ZNF138: variants seen among roughly 807,000 people sequenced by gnomAD.
ZNF138 encodes zinc finger protein 138 (clone pHZ-32).
A neutral mutation model predicts 33.0 loss-of-function variants in ZNF138; 33 were observed. The observed-to-expected ratio is 1.00, with a 90% CI of 0.76 to 1.34. The LOEUF (loss-of-function observed/expected upper bound fraction) is 1.34. Ranked by LOEUF, ZNF138 falls within the 40% of genes most tolerant of loss-of-function variation. The pLI is 0.00. For missense variants in ZNF138, 360 were observed against 370.8 expected (o/e 0.97, Z 0.24); for synonymous variants, 139 against 120.4 (o/e 1.15, Z -1.01).
intron 1 of ZNF138, among the ~76,000 whole-genome samples, chr7:64,809,709 T>C (rs1787969661): frequency 7.5e-6 from 1 of 134,016 alleles, no homozygotes; most frequent in Non-Finnish European, 1.6e-5. Context: ...GACGGGGCGG[T>C]TGCCGGGCAG....
chr7:64,838,595 G>C (rs544140708), downstream of ZNF138, among the ~76,000 whole-genome samples: 498 of 152,170 alleles, frequency 3.3e-3, 4 homozygotes, highest in Admixed American at 0.011. Flanking sequence ...GCCTCCTCTC[G>C]GGAATTAAAA....
chr7:64,810,437 G>GGGAGAC (rs1158413116), intron 1 of ZNF138, among the ~76,000 whole-genome samples: 1 of 103,700 alleles, frequency 9.6e-6, no homozygotes, highest in African/African-American at 3.5e-5. Flanking sequence ...GGAGACCGTG[G>GGGAGAC]GGAGAGGGAG....
At chr7:64,849,088 G>A in the ZNF138 span, among the ~76,000 whole-genome samples, 1 of 152,198 alleles carries the variant, frequency 6.6e-6, no homozygotes, top group African/African-American at 2.4e-5. Context: ...CTATGTCCGA[G>A]GGAGTGTCTA....
intron 1 of ZNF138, among the ~76,000 whole-genome samples, chr7:64,813,442 T>G (rs916005797): frequency 1.7e-4 from 26 of 151,916 alleles, no homozygotes; most frequent in South Asian, 4.1e-4. Context: ...AATGATTTTT[T>G]TTTTTTTTTT....
At chr7:64,831,225 A>G (rs1409589750) in intron 3 of ZNF138, 4 of 1,199,322 alleles carry the variant, frequency 3.3e-6, no homozygotes, top group Non-Finnish European at 3.5e-6. Flanking sequence ...GGCTCTTTGC[A>G]TTGTGCAAAC....
the ZNF138 span, among the ~76,000 whole-genome samples, chr7:64,844,239 G>C: frequency 6.6e-6 from 1 of 152,322 alleles, no homozygotes; most frequent in East Asian, 1.9e-4. Context: ...CCAACCTGTT[G>C]TTATTATTTT....
chr7:64,800,902 T>A (rs552883189), intron 1 of ZNF138, among the ~76,000 whole-genome samples: 1 of 152,298 alleles, frequency 6.6e-6, no homozygotes, highest in African/African-American at 2.4e-5. Context: ...TCTTTTTTGT[T>A]CAGTCCTGGG....
chr7:64,794,603 G>A (rs757723908), intron 1 of ZNF138, 32 bp downstream of exon 1: 14 of 1,613,136 alleles, frequency 8.7e-6, no homozygotes, highest in Admixed American at 3.3e-5. Flanking sequence ...TCCCGAGAGA[G>A]GGGGAGGGAG....
At position 64,831,868 on chromosome 7, in the gene ZNF138, A is replaced by G. The variant is rs1351667113; in HGVS notation, c.626A>G (p.Asn209Ser). ...ECGKTFNWST[N>S]LSKPKKIHTG... ...GGAAAAACCTTTAACTGGTCCACAA[A>G]CCTTTCTAAACCTAAGAAAATTCAT... Residue 209 changes from asparagine to serine, a missense_variant, in exon 4 of 4, where the codon AAC becomes AGC. Physicochemically the swap from Asn to Ser is conservative, Grantham distance 46. Transcript: ENST00000307355. The G allele has an allele frequency of 6.2e-7, 1 of 1,613,866 alleles. No individual in the cohort carries two copies. Among genetic ancestry groups the G allele is most frequent in the South Asian group, 1.1e-5 (1 of 91,062 alleles).
intron 3 of ZNF138, among the ~76,000 whole-genome samples, chr7:64,829,048 A>G (rs1377616350): frequency 6.6e-6 from 1 of 152,062 alleles, no homozygotes; most frequent in African/African-American, 2.4e-5. Context: ...CTCTTACTCC[A>G]TGTTTGTCAT....
At chr7:64,816,819 A>G (rs1227731860) in intron 3 of ZNF138, among the ~76,000 whole-genome samples, 1 of 152,112 alleles carries the variant, frequency 6.6e-6, no homozygotes, top group East Asian at 1.9e-4. Context: ...TTCAGGAGGT[A>G]AAGATCTTTT....
chr7:64,814,146 C>A, intron 1 of ZNF138: 1 of 1,173,778 alleles, frequency 8.5e-7, no homozygotes, highest in South Asian at 1.6e-5. Context: ...TTGACATTAG[C>A]GGTGAGCTTG....
At position 64,802,945 on chromosome 7, in the gene ZNF138, C is replaced by T. The variant is rs975531568; in HGVS notation, c.3+8374C>T. Among the ~76,000 whole-genome samples the T allele has an allele frequency of 5.9e-5, 9 of 151,872 alleles. No homozygotes were observed. In the South Asian group the frequency reaches 1.9e-3, roughly 32 times the overall value. On this transcript the variant is annotated intron_variant, in intron 1 of 3. Coordinates refer to ENST00000307355, the MANE Select transcript of ZNF138 (RefSeq NM_001271639.2). ...AAAAAAAAAATGCAGATTCACTGAG[C>T]CAGACAATGGCATGAGTGACTATTT...
chr7:64,815,059 A>G lies in ZNF138; in HGVS notation c.130+15A>G. ...GGTTTTCTTGGGTGAGAATAACTTC[A>G]GTACACATTTCCTAATATATCCTAA... On this transcript the variant is annotated intron_variant, in intron 2 of 3. Transcript: ENST00000307355. 1 of 1,576,138 alleles carries G rather than the reference A, an allele frequency of 6.3e-7. No individual in the cohort carries two copies. The highest frequency in any genetic ancestry group is 8.6e-7 in the Non-Finnish European group (1 of 1,165,784).
chr7:64,835,243 G>A (rs6951316), downstream of ZNF138: 149,963 of 152,182 alleles, frequency 0.99, 73,928 homozygotes, highest in Non-Finnish European at 1. Context: ...AATCAGTCCA[G>A]CCTATTTTTG....
the ZNF138 span, chr7:64,852,339 G>T: frequency 4.4e-6 from 5 of 1,138,214 alleles, no homozygotes; most frequent in Non-Finnish European, 6.5e-6. Flanking sequence ...TTGAAGCGAT[G>T]ATAAAGGAAA....
At chr7:64,798,317 A>G (rs1267230346) in intron 1 of ZNF138, among the ~76,000 whole-genome samples, 2 of 152,354 alleles carry the variant, frequency 1.3e-5, no homozygotes, top group East Asian at 3.9e-4. Context: ...ATGGGGTTGT[A>G]TGTTGGCTCA....
the ZNF138 span, among the ~76,000 whole-genome samples, chr7:64,855,446 C>CAGTAAA: frequency 0.39 from 10,787 of 27,994 alleles, 5,289 homozygotes; most frequent in Middle Eastern, 0.77. Context: ...TTTATTTTAT[C>CAGTAAA]TTGCGTGCAA....
chr7:64,827,343 G>T (rs926422625), intron 3 of ZNF138, among the ~76,000 whole-genome samples: 3 of 151,724 alleles, frequency 2.0e-5, no homozygotes, highest in Admixed American at 6.6e-5. Flanking sequence ...TGCCTCCCGG[G>T]TTCACGCCAT....
Sources: gnomAD v4.1 joint callset for allele counts (sites outside exome capture counted in the v4.1 genomes callset) on GRCh38, gnomAD v4.1.1 for gene constraint, MANE v1.5 for transcripts, NCBI Gene and HGNC (gene_info 2026-07-23, HGNC 2026-07-21) for gene names.